OR11A1: variants seen among roughly 807,000 people sequenced by gnomAD.
The protein encoded by OR11A1 is olfactory receptor family 11 subfamily A member 1, also known as olfactory receptor 11A1.
For synonymous variants in OR11A1, 158 were observed against 152.2 expected (o/e 1.04, Z -0.28); for missense variants, 380 against 378.2 (o/e 1.00, Z -0.04).
chr6:29,443,352 T>G (rs1784401429), intron 1 of OR11A1, among the ~76,000 whole-genome samples: 1 of 151,794 alleles, frequency 6.6e-6, no homozygotes, highest in African/African-American at 2.4e-5. Flanking sequence ...TTTTTCAGAG[T>G]TTTATATAAA....
At position 29,427,747 on chromosome 6, in the gene OR11A1, A is replaced by T; in HGVS notation, c.-91-15T>A. 2 of 1,450,746 alleles carry T rather than the reference A, an allele frequency of 1.4e-6. No homozygotes were observed. The highest frequency in any genetic ancestry group is 3.1e-5 in the South Asian group (2 of 65,508). 89.9% of individuals were successfully genotyped at this position (1,450,746 alleles called of 1,614,324 possible). A position where few individuals can be genotyped will look rare whatever the true frequency, so the allele number is the denominator to read the frequency against. ...CGTTATTAGAGCTAAAACAAAACAA[A>T]ACAAAAAAGACAAAAATGAGTCTCT... On this transcript the variant is annotated splice_polypyrimidine_tract_variant and intron_variant, in intron 4 of 4. Transcript: ENST00000377149.
chr6:29,445,413 A>T (rs1264847362), intron 1 of OR11A1, among the ~76,000 whole-genome samples: 1 of 152,202 alleles, frequency 6.6e-6, no homozygotes, highest in Non-Finnish European at 1.5e-5. Context: ...AGAAAGAAGA[A>T]ACAGAGGCAG....
intron 1 of OR11A1, among the ~76,000 whole-genome samples, chr6:29,449,552 T>C (rs1227040433): frequency 6.6e-6 from 1 of 152,244 alleles, no homozygotes; most frequent in East Asian, 1.9e-4. Context: ...TTCCCAGTTA[T>C]GATTTTTCTT....
rs1223748369 is a variant in OR11A1 at position 29,425,645 on chromosome 6, C to T, written c.*1049G>A. Reference sequence around the variant, plus strand: ...CCCTAAAATTTTCCATGAAAACTAACAAACAAGGAGCTGTAGCTAATTAAA... The same window carrying T: ...CCCTAAAATTTTCCATGAAAACTAATAAACAAGGAGCTGTAGCTAATTAAA... On this transcript the variant is annotated 3_prime_UTR_variant, in exon 5 of 5. Coordinates refer to ENST00000377149, the MANE Select transcript of OR11A1 (RefSeq NM_001394828.1). 1 of 152,054 alleles carries T rather than the reference C, an allele frequency of 6.6e-6. No homozygotes were observed. Among genetic ancestry groups the T allele is most frequent in the Non-Finnish European group, 1.5e-5 (1 of 67,990 alleles). 9.4% of individuals were successfully genotyped at this position (152,054 alleles called of 1,614,324 possible). A position where few individuals can be genotyped will look rare whatever the true frequency, so the allele number is the denominator to read the frequency against.
intron 1 of OR11A1, among the ~76,000 whole-genome samples, chr6:29,444,044 C>T (rs1784475550): frequency 6.6e-6 from 1 of 151,866 alleles, no homozygotes; most frequent in Non-Finnish European, 1.5e-5. Context: ...CTCTATGTCC[C>T]CACCCAAATC....
intron 1 of OR11A1, chr6:29,450,668 A>G (rs1785268983): frequency 6.6e-6 from 1 of 152,154 alleles, no homozygotes; most frequent in Non-Finnish European, 1.5e-5. Flanking sequence ...AGACCTCTAC[A>G]ACAAGCAAGC....
chr6:29,449,072 T>C (rs973619214), intron 1 of OR11A1, among the ~76,000 whole-genome samples: 1 of 152,204 alleles, frequency 6.6e-6, no homozygotes, highest in African/African-American at 2.4e-5. Flanking sequence ...AGAGAAGGAA[T>C]GATGAATAGA....
intron 1 of OR11A1, chr6:29,439,988 G>T: frequency 1.9e-6 from 3 of 1,573,846 alleles, no homozygotes; most frequent in Non-Finnish European, 2.6e-6. Context: ...CATTTCTTTT[G>T]TCTTCCAGTC....
rs1435546491 is a variant in OR11A1 at position 29,427,306 on chromosome 6, T to A, written c.336A>T (p.Glu112Asp). Residue 112 changes from glutamate to aspartate, a missense_variant, in exon 5 of 5, where the codon GAA (glutamate) becomes GAT (aspartate). Coordinates refer to ENST00000377149, the MANE Select transcript of OR11A1 (RefSeq NM_001394828.1). Reference protein sequence around the residue: ...FFIFGSLATAECLLLAVMAYD... With the variant: ...FFIFGSLATADCLLLAVMAYD... ...ATGCCATGACAGCCAGCAGTAAGCATTCAGCTGTGGCTAGAGAGCCGAAGA... is the reference window on the plus strand; with the variant it reads ...ATGCCATGACAGCCAGCAGTAAGCAATCAGCTGTGGCTAGAGAGCCGAAGA... 1 of 1,612,986 alleles carries A rather than the reference T, an allele frequency of 6.2e-7. No homozygotes were observed. Among genetic ancestry groups the A allele is most frequent in the African/African-American group, 1.3e-5 (1 of 74,910 alleles).
chr6:29,449,155 A>G (rs757377495), intron 1 of OR11A1, among the ~76,000 whole-genome samples: 1 of 152,208 alleles, frequency 6.6e-6, no homozygotes, highest in Non-Finnish European at 1.5e-5. Context: ...CACATAGAAT[A>G]TATAGTACCA....
chr6:29,429,393 T>C (rs1303575159), intron 3 of OR11A1, among the ~76,000 whole-genome samples: 3 of 152,214 alleles, frequency 2.0e-5, no homozygotes, highest in Admixed American at 1.3e-4. Flanking sequence ...CCCAATCATG[T>C]ACTAAGGATC....
chr6:29,428,430 G>A, intron 4 of OR11A1: 1 of 984,464 alleles, frequency 1.0e-6, no homozygotes, highest in South Asian at 4.7e-5. Flanking sequence ...GAAGATAGAA[G>A]CAAGTAGGCT....
chr6:29,442,031 T>C (rs7761570), intron 1 of OR11A1, among the ~76,000 whole-genome samples: 7,721 of 152,314 alleles, frequency 0.051, 379 homozygotes, highest in African/African-American at 0.12. Context: ...TTTGTAGACT[T>C]GCAAACAATC....
chr6:29,440,299 G>A (rs924458291), intron 1 of OR11A1: 4 of 1,613,938 alleles, frequency 2.5e-6, no homozygotes, highest in Non-Finnish European at 2.5e-6. Flanking sequence ...TCTCGCTCTG[G>A]ATGTGCTCTC....
chr6:29,440,071 T>G, intron 1 of OR11A1: 1 of 1,613,236 alleles, frequency 6.2e-7, no homozygotes, highest in Non-Finnish European at 8.5e-7. Context: ...TTCTCCCACC[T>G]GGCCGACCTC....
chr6:29,438,586 A>G (rs990878863), intron 1 of OR11A1, among the ~76,000 whole-genome samples: 6 of 152,336 alleles, frequency 3.9e-5, no homozygotes, highest in African/African-American at 1.4e-4. Flanking sequence ...AACCAGAGAT[A>G]TGGGAGAACT....
chr6:29,430,880 C>T (rs1208036193), intron 2 of OR11A1, among the ~76,000 whole-genome samples: 1 of 151,976 alleles, frequency 6.6e-6, no homozygotes, highest in Non-Finnish European at 1.5e-5. Flanking sequence ...GCTGTTATTC[C>T]CTTAAAGACA....
intron 1 of OR11A1, among the ~76,000 whole-genome samples, chr6:29,436,864 G>A (rs1213055434): frequency 6.6e-6 from 1 of 152,214 alleles, no homozygotes; most frequent in Non-Finnish European, 1.5e-5. Flanking sequence ...AATTCAGTCG[G>A]CCAGTGGCCC....
intron 1 of OR11A1, among the ~76,000 whole-genome samples, chr6:29,456,228 TAA>T (rs201288734): frequency 7.9e-5 from 10 of 125,808 alleles, no homozygotes; most frequent in Admixed American, 8.2e-5. Flanking sequence ...AAACTCAGTC[TAA>T]AAAAAAAAAA....
Sources: gnomAD v4.1 joint callset for allele counts (sites outside exome capture counted in the v4.1 genomes callset) on GRCh38, gnomAD v4.1.1 for gene constraint, MANE v1.5 for transcripts, NCBI Gene and HGNC (gene_info 2026-07-23, HGNC 2026-07-21) for gene names.